The following PVT1 variants were observed in gnomAD, a reference collection of about 807,000 sequenced individuals.
PVT1 encodes CXCR4/PVT1 fusion.
At chr8:128,074,579 GC>G (rs1275746512) in intron 5 of PVT1, among the ~76,000 whole-genome samples, 1 of 151,420 alleles carries the variant, frequency 6.6e-6, no homozygotes, top group Non-Finnish European at 1.5e-5. Context: ...AACATGTAAT[GC>G]TTTTTATAGT....
chr8:127,902,051 T>G (rs1321428223), intron 3 of PVT1, among the ~76,000 whole-genome samples: 1 of 152,182 alleles, frequency 6.6e-6, no homozygotes. Context: ...TGGTGAAAAC[T>G]TAGAATGCGT....
chr8:128,054,310 G>A (rs1482337955), intron 4 of PVT1, among the ~76,000 whole-genome samples: 4 of 128,194 alleles, frequency 3.1e-5, no homozygotes, highest in African/African-American at 1.0e-4. Flanking sequence ...GGATTTGTTA[G>A]ATTTTTTTCC....
chr8:127,916,762 G>A (rs552415985), intron 3 of PVT1, among the ~76,000 whole-genome samples: 1 of 152,300 alleles, frequency 6.6e-6, no homozygotes, highest in African/African-American at 2.4e-5. Flanking sequence ...AGCTTGGCTT[G>A]TAGTGGTGGG....
chr8:127,848,549 G>T (rs1386841372), intron 2 of PVT1, among the ~76,000 whole-genome samples: 1 of 152,174 alleles, frequency 6.6e-6, no homozygotes, highest in Non-Finnish European at 1.5e-5. Context: ...CGGGCGTGGT[G>T]GCACATGCCT....
intron 4 of PVT1, among the ~76,000 whole-genome samples, chr8:127,998,818 C>CCCTTCCTTCCTTCCTTCCTTCCTTCCTT (rs3041894): frequency 4.6e-4 from 55 of 120,694 alleles, no homozygotes; most frequent in South Asian, 2.1e-3. Context: ...TCTCCTCCTC[C>CCCTTCCTTCCTTCCTTCCTTCCTTCCTT]CCTTCCTTCC....
intron 3 of PVT1, among the ~76,000 whole-genome samples, chr8:127,965,954 T>A (rs1412867337): frequency 6.6e-6 from 1 of 152,208 alleles, no homozygotes; most frequent in Non-Finnish European, 1.5e-5. Context: ...GAATGCAGAA[T>A]CAGGGATGGA....
chr8:128,078,993 CCTTTT>C (rs138756530), intron 5 of PVT1, among the ~76,000 whole-genome samples: 159 of 145,024 alleles, frequency 1.1e-3, no homozygotes, highest in Non-Finnish European at 1.7e-3. Context: ...TGGGTTTTTT[CCTTTT>C]CTTTTCTTTT....
intron 3 of PVT1, among the ~76,000 whole-genome samples, chr8:127,895,435 C>T (rs994513419): frequency 4.6e-5 from 7 of 152,102 alleles, no homozygotes; most frequent in African/African-American, 1.7e-4. Flanking sequence ...TGCACCACTG[C>T]ACTCCAGCCT....
At chr8:127,799,133 G>A (rs538597848) in intron 2 of PVT1, among the ~76,000 whole-genome samples, 3 of 150,864 alleles carry the variant, frequency 2.0e-5, no homozygotes, top group Non-Finnish European at 4.4e-5. Flanking sequence ...GGAGTTAGGT[G>A]GGGGGGGAGG....
At chr8:127,825,238 G>C (rs1447290160) in intron 2 of PVT1, among the ~76,000 whole-genome samples, 1 of 151,962 alleles carries the variant, frequency 6.6e-6, no homozygotes, top group Admixed American at 6.6e-5. Flanking sequence ...AAACCTATAG[G>C]ATAGATTTCT....
intron 2 of PVT1, among the ~76,000 whole-genome samples, chr8:127,882,672 G>A (rs1403467341): frequency 6.6e-6 from 1 of 151,828 alleles, no homozygotes; most frequent in African/African-American, 2.4e-5. Flanking sequence ...TTAGTAGAGA[G>A]GGGGTTTCGC....
intron 4 of PVT1, among the ~76,000 whole-genome samples, chr8:128,039,028 A>C (rs1339608462): frequency 6.6e-6 from 1 of 152,154 alleles, no homozygotes; most frequent in East Asian, 1.9e-4. Context: ...GGAGGGACGG[A>C]TCAGCTCCAT....
chr8:128,017,122 T>G (rs1403114640), intron 4 of PVT1, among the ~76,000 whole-genome samples: 1 of 152,164 alleles, frequency 6.6e-6, no homozygotes, highest in South Asian at 2.1e-4. Flanking sequence ...TGGAAATGCA[T>G]AGACTCAGAG....
At chr8:127,801,764 T>C (rs1814466877) in intron 2 of PVT1, among the ~76,000 whole-genome samples, 1 of 152,116 alleles carries the variant, frequency 6.6e-6, no homozygotes. Context: ...CATCTTAAAC[T>C]GTGCTCTCCA....
chr8:127,973,757 TC>T (rs201025179), intron 3 of PVT1, among the ~76,000 whole-genome samples: 1 of 61,038 alleles, frequency 1.6e-5, no homozygotes, highest in Non-Finnish European at 2.9e-5. Context: ...GGTGGGTGGA[TC>T]AACGAGGTCA....
chr8:128,077,270 T>C (rs1814102845), intron 5 of PVT1, among the ~76,000 whole-genome samples: 1 of 152,178 alleles, frequency 6.6e-6, no homozygotes, highest in Non-Finnish European at 1.5e-5. Context: ...TGAGTTTCTG[T>C]TCCTGAACAC....
At chr8:127,997,133 C>A (rs1476414080) in intron 4 of PVT1, among the ~76,000 whole-genome samples, 1 of 149,168 alleles carries the variant, frequency 6.7e-6, no homozygotes, top group African/African-American at 2.5e-5. Flanking sequence ...CAGCTCACCA[C>A]AAGCTCTGCC....
At chr8:127,992,454 G>T (rs2130001334) in intron 4 of PVT1, among the ~76,000 whole-genome samples, 1 of 152,224 alleles carries the variant, frequency 6.6e-6, no homozygotes, top group Admixed American at 6.5e-5. Context: ...GCCCAGGCTG[G>T]CCTCCAATCC....
intron 3 of PVT1, among the ~76,000 whole-genome samples, chr8:127,945,052 G>T (rs1482792799): frequency 6.6e-6 from 1 of 152,144 alleles, no homozygotes; most frequent in Non-Finnish European, 1.5e-5. Flanking sequence ...ACATAAAAAT[G>T]AACCTGAAGT....
Sources: allele counts gnomAD v4.1 joint callset (sites outside exome capture counted in the v4.1 genomes callset), GRCh38; gene constraint gnomAD v4.1.1; transcripts MANE v1.5; gene names NCBI Gene and HGNC (gene_info 2026-07-23, HGNC 2026-07-21).